The following OTUD5 variants were observed in gnomAD, a reference collection of about 807,000 sequenced individuals.
The protein encoded by OTUD5 is OTU domain-containing protein 5.
A neutral mutation model predicts 36.3 loss-of-function variants in OTUD5; 2 were observed. The ratio of observed to expected loss-of-function variants is 0.06; its 90% CI spans 0.02 to 0.17. The LOEUF is 0.17. OTUD5 is among the 10% of genes least tolerant of loss of function. The pLI is 1.00. For synonymous variants in OTUD5, 234 were observed against 214.9 expected, an observed-to-expected ratio of 1.09 and a Z score of -0.78; for missense variants, 233 against 512.3, an observed-to-expected ratio of 0.45 and a Z score of 5.26.
chrX:48,930,549 C>T (rs1487493123), intron 5 of OTUD5, among the ~76,000 whole-genome samples: 1 of 112,266 alleles, frequency 8.9e-6, no homozygotes, highest in African/African-American at 3.2e-5. Context: ...TAGCTCCTTG[C>T]TCTATCAGCT....
intron 6 of OTUD5, among the ~76,000 whole-genome samples, chrX:48,924,583 A>T (rs781787216): frequency 1.7e-4 from 19 of 111,676 alleles, no homozygotes; most frequent in Non-Finnish European, 3.4e-4. Flanking sequence ...AACCTCTCTG[A>T]CTTCATCTAC....
At chrX:48,927,304 C>A (rs782143789) in intron 5 of OTUD5, among the ~76,000 whole-genome samples, 1 of 110,999 alleles carries the variant, frequency 9.0e-6, no homozygotes, top group East Asian at 2.8e-4. Flanking sequence ...ACACAGCAAG[C>A]AGCGGACACC....
In OTUD5 at chrX:48,957,251, C is replaced by G; in HGVS notation, c.320G>C (p.Gly107Ala). 1 of 1,099,246 alleles carries G rather than the reference C, an allele frequency of 9.1e-7. No homozygotes were observed. Among genetic ancestry groups the G allele is most frequent in the Non-Finnish European group, 1.2e-6 (1 of 849,719 alleles). The allele number at this position is 1,099,246 out of a possible 1,213,427, so 90.6% of individuals were successfully genotyped here. The part of the protein sequence containing the change: ...QASPPPCGGP[G>A]GPGGGPGDAL... ...GTCGCCGGGACCGCCGCCGGGACCA[C>G]CTGGGCCCCCGCAAGGAGGTGGAGA... is the stretch of plus-strand genomic sequence containing the variant. Residue 107 changes from glycine (G) to alanine (A), a missense_variant, in exon 1 of 9, where the codon GGT (glycine) becomes GCT (alanine). Transcript: ENST00000376488.
chrX:48,927,410 C>T (rs782521530), intron 5 of OTUD5, among the ~76,000 whole-genome samples: 15 of 111,777 alleles, frequency 1.3e-4, no homozygotes, highest in African/African-American at 2.6e-4. Flanking sequence ...CAACCCCCTT[C>T]GAACACCAGT....
chrX:48,957,438 C>T lies in OTUD5; in HGVS notation c.133G>A (p.Val45Met). ...GVGVGGGGTG[V>M]GGGDRDRDSG... is the part of the protein sequence containing the mutation. ...TCACGGTCGCGATCGCCGCCGCCCA[C>T]GCCCGTGCCGCCGCCGCCCACGCCC... Residue 45 changes from valine (V) to methionine (M), a missense_variant, in exon 1 of 9, where the codon GTG becomes ATG. Transcript: ENST00000376488. 1 of 999,982 alleles carries T rather than the reference C, an allele frequency of 1.0e-6. No homozygotes were observed. The highest frequency in any genetic ancestry group is 1.3e-6 in the Non-Finnish European group (1 of 792,458). The allele number at this position is 999,982 out of a possible 1,213,427, so 82.4% of individuals were successfully genotyped here. A position where few individuals can be genotyped will look rare whatever the true frequency, so the allele number is the denominator to read the frequency against.
At chrX:48,936,966 C>A (rs1007280579) in intron 2 of OTUD5, among the ~76,000 whole-genome samples, 1 of 111,650 alleles carries the variant, frequency 9.0e-6, no homozygotes, top group Non-Finnish European at 1.9e-5. Context: ...AGAAGAACAC[C>A]TTCCCTGCCT....
chrX:48,932,014 T>C (rs1350772538), intron 5 of OTUD5, among the ~76,000 whole-genome samples: 1 of 106,404 alleles, frequency 9.4e-6, no homozygotes, highest in Non-Finnish European at 1.9e-5. Context: ...CTGGGCGTGG[T>C]GGCGGGTGCC....
At chrX:48,954,800 C>A (rs1264974341) in intron 1 of OTUD5, among the ~76,000 whole-genome samples, 2 of 112,202 alleles carry the variant, frequency 1.8e-5, no homozygotes, top group African/African-American at 6.5e-5. Context: ...ATAGCTAGGT[C>A]AGGGAGAGAC....
intron 2 of OTUD5, among the ~76,000 whole-genome samples, chrX:48,937,171 C>T (rs2063841260): frequency 9.0e-6 from 1 of 111,652 alleles, no homozygotes; most frequent in Admixed American, 9.5e-5. Flanking sequence ...ACACTCTCCC[C>T]CGCCCTCCCC....
chrX:48,957,773 G>A (rs2064283450), upstream of OTUD5: 3 of 790,256 alleles, frequency 3.8e-6, no homozygotes, highest in Admixed American at 1.7e-4. Context: ...GGGTCACGCC[G>A]AGAGGAGAAC....
Position 48,922,784 on chromosome X carries a change from T to G in OTUD5, c.*390A>C. The G allele has an allele frequency of 1.3e-6, 1 of 768,560 alleles. No individual in the cohort carries two copies. The highest frequency in any genetic ancestry group is 1.5e-6 in the Non-Finnish European group (1 of 648,857). The allele number at this position is 768,560 out of a possible 1,213,427, so 63.3% of individuals were successfully genotyped here. A position where few individuals can be genotyped will look rare whatever the true frequency, so the allele number is the denominator to read the frequency against. ...GGGTGGCGGCAAGTTTTTCTCATCT[T>G]GGAAGGAATGAGGGGCAGGGAGACT... On this transcript the variant is annotated 3_prime_UTR_variant, in exon 9 of 9. Coordinates refer to ENST00000376488, the MANE Select transcript of OTUD5 (RefSeq NM_001136157.2).
chrX:48,954,715 C>T (rs1557054736), intron 1 of OTUD5, among the ~76,000 whole-genome samples: 2 of 111,392 alleles, frequency 1.8e-5, no homozygotes, highest in African/African-American at 3.3e-5. Flanking sequence ...AAACCCCTTT[C>T]CTGTCCCTGG....
chrX:48,939,428 T>C (rs781952232), intron 2 of OTUD5, among the ~76,000 whole-genome samples: 1 of 111,733 alleles, frequency 8.9e-6, no homozygotes, highest in Admixed American at 9.5e-5. Flanking sequence ...ACCCCACTTC[T>C]TTCCTTTTTC....
Position 48,922,903 on chromosome X carries a change from C to A in OTUD5, c.*271G>T. 1 of 968,035 alleles carries A rather than the reference C, an allele frequency of 1.0e-6. No individual in the cohort carries two copies. Among genetic ancestry groups the A allele is most frequent in the East Asian group, 4.7e-5 (1 of 21,368 alleles). The allele number at this position is 968,035 out of a possible 1,213,427, so 79.8% of individuals were successfully genotyped here. Reference sequence around the variant, plus strand: ...CTTGTCTATCTTCGGCACCCTTGCCCGAGTCCCCTGTGGAATGCAGGGATG... The same window carrying A: ...CTTGTCTATCTTCGGCACCCTTGCCAGAGTCCCCTGTGGAATGCAGGGATG... On this transcript the variant is annotated 3_prime_UTR_variant, in exon 9 of 9. Transcript: ENST00000376488.
At chrX:48,956,655 G>A (rs1488584071) in intron 1 of OTUD5, among the ~76,000 whole-genome samples, 3 of 111,073 alleles carry the variant, frequency 2.7e-5, no homozygotes, top group Admixed American at 1.9e-4. Context: ...ACTCAAGAGG[G>A]GCGCGATCCT....
At position 48,923,307 on chromosome X, in the gene OTUD5, G is replaced by A. The variant is rs181312786; in HGVS notation, c.1580-12C>T. ...CCAGTCATTCAGACCTGCTGGGCGA[G>A]AGGAAGAGGAAAAGGATGATGGAGC... On this transcript the variant is annotated splice_polypyrimidine_tract_variant and intron_variant, in intron 8 of 8. Coordinates refer to ENST00000376488, the MANE Select transcript of OTUD5 (RefSeq NM_001136157.2). 7,283 of 1,181,615 alleles carry A rather than the reference G, an allele frequency of 6.2e-3. 18 individuals are homozygous for A. Among genetic ancestry groups the A allele is most frequent in the Non-Finnish European group, 7.3e-3 (6,397 of 871,074 alleles).
Position 48,957,370 on chromosome X carries a change from A to G in OTUD5, c.201T>C (p.Pro67=). 1 of 1,121,100 alleles carries G rather than the reference A, an allele frequency of 8.9e-7. No homozygotes were observed. Among genetic ancestry groups the G allele is most frequent in the South Asian group, 2.0e-5 (1 of 49,330 alleles). 92.4% of individuals were successfully genotyped at this position (1,121,100 alleles called of 1,213,427 possible). ...CCGGCGGTCCTGGTAGCGGGCCTTG[A>G]GGCGGTGGCGAAGCTCGCGGACGGG... is the stretch of plus-strand genomic sequence containing the variant. ...VGARPRASPP[P]QGPLPGPPGA... is the part of the protein sequence containing the mutation. Residue 67 remains proline (P), a synonymous_variant, in exon 1 of 9, where the codon CCT becomes CCC. Coordinates refer to ENST00000376488, the MANE Select transcript of OTUD5 (RefSeq NM_001136157.2).
chrX:48,957,346 C>G lies in OTUD5; in HGVS notation c.225G>C (p.Pro75=). 6.2e-6 allele frequency: 7 copies of G among 1,130,293 alleles called. No homozygotes were observed. The highest frequency in any genetic ancestry group is 8.1e-6 in the Non-Finnish European group (7 of 863,732). 93.1% of individuals were successfully genotyped at this position (1,130,293 alleles called of 1,213,427 possible). Residue 75 remains proline, a synonymous_variant, in exon 1 of 9, where the codon CCG becomes CCC. Coordinates refer to ENST00000376488, the MANE Select transcript of OTUD5 (RefSeq NM_001136157.2). ...PPPQGPLPGP[P]GALHRWALAV... ...CCAGCGCCCAGCGATGAAGAGCGCCCGGCGGTCCTGGTAGCGGGCCTTGAG... is the reference window on the plus strand; with the variant it reads ...CCAGCGCCCAGCGATGAAGAGCGCCGGGCGGTCCTGGTAGCGGGCCTTGAG...
At position 48,922,609 on chromosome X, in the gene OTUD5, G is replaced by C; in HGVS notation, c.*565C>G. The stretch of plus-strand genomic sequence containing the variant: ...CCACCTTCACAGAGCCAGTGCTGTC[G>C]TCTATATCATTTTTGATTAGTTGAT... On this transcript the variant is annotated 3_prime_UTR_variant, in exon 9 of 9. Coordinates refer to ENST00000376488, the MANE Select transcript of OTUD5 (RefSeq NM_001136157.2). The C allele has an allele frequency of 1.3e-6, 1 of 751,645 alleles. No individual in the cohort carries two copies. Among genetic ancestry groups the C allele is most frequent in the Non-Finnish European group, 1.6e-6 (1 of 636,361 alleles). 61.9% of individuals were successfully genotyped at this position (751,645 alleles called of 1,213,427 possible).
Sources: gnomAD v4.1 joint callset for allele counts (sites outside exome capture counted in the v4.1 genomes callset) on GRCh38, gnomAD v4.1.1 for gene constraint, MANE v1.5 for transcripts, NCBI Gene and HGNC (gene_info 2026-07-23, HGNC 2026-07-21) for gene names.